Variants in NHSL2 observed in about 807,000 individuals in gnomAD.
The protein encoded by NHSL2 is NHS-like protein 2.
Under a neutral mutation model 53.4 loss-of-function variants are expected in NHSL2, and 27 were observed. That is an observed-to-expected ratio of 0.51 (90% CI 0.37 to 0.70). NHSL2 has a LOEUF of 0.70. NHSL2 is among the 30% of genes least tolerant of loss of function. NHSL2 has a pLI of 0.00. For synonymous variants in NHSL2, 408 were observed against 404.1 expected, an observed-to-expected ratio of 1.01 and a Z score of -0.12; for missense variants, 892 against 980.1, an observed-to-expected ratio of 0.91 and a Z score of 1.20.
intron 1 of NHSL2, chrX:72,080,229 G>A (rs989207449): frequency 1.8e-5 from 2 of 112,099 alleles, no homozygotes; most frequent in Non-Finnish European, 3.8e-5. Context: ...CTGGGATGGA[G>A]AGAACTGACT....
Position 72,027,048 on chromosome X carries a change from C to T in NHSL2, c.281-105031C>T, listed in dbSNP as rs1019913704. Among the ~76,000 whole-genome samples, 12 of 112,298 alleles carry T rather than the reference C, an allele frequency of 1.1e-4. No individual in the cohort carries two copies. The South Asian group carries it at 1.8e-3, about 17-fold the overall frequency. ...GAGAGGAGAAGAGGAAAGTGGTTGGCCTATGGTGCCACAGGGAGTAGCAGA... is the reference window on the plus strand; with the variant it reads ...GAGAGGAGAAGAGGAAAGTGGTTGGTCTATGGTGCCACAGGGAGTAGCAGA... On this transcript the variant is annotated intron_variant, in intron 1 of 7. Transcript: ENST00000633930.
chrX:72,044,096 G>A (rs749512771), intron 1 of NHSL2, among the ~76,000 whole-genome samples: 3 of 112,058 alleles, frequency 2.7e-5, no homozygotes, highest in African/African-American at 9.7e-5. Flanking sequence ...GGTCACGGGA[G>A]AGAAGAGGAT....
intron 1 of NHSL2, among the ~76,000 whole-genome samples, chrX:72,108,666 A>C (rs1477884385): frequency 8.9e-6 from 1 of 112,597 alleles, no homozygotes; most frequent in African/African-American, 3.2e-5. Context: ...ACATTTCTCC[A>C]GTGAGCATCT....
intron 1 of NHSL2, among the ~76,000 whole-genome samples, chrX:72,073,520 GT>G (rs778963211): frequency 1.8e-5 from 2 of 112,309 alleles, no homozygotes; most frequent in African/African-American, 3.2e-5. Context: ...TGGACCAGCT[GT>G]TTGAACTAGC....
intron 1 of NHSL2, chrX:72,069,633 A>T (rs1397322960): frequency 1.2e-6 from 1 of 847,247 alleles, no homozygotes; most frequent in East Asian, 4.3e-5. Flanking sequence ...GAGGAGAAAG[A>T]GGAGGAGGAG....
At chrX:71,920,579 A>AT (rs2041652449) in intron 1 of NHSL2, among the ~76,000 whole-genome samples, 1 of 111,379 alleles carries the variant, frequency 9.0e-6, no homozygotes, top group Non-Finnish European at 1.9e-5. Flanking sequence ...TTCCCATGTG[A>AT]TTCTACCGTG....
intron 1 of NHSL2, among the ~76,000 whole-genome samples, chrX:71,921,048 C>G (rs912536344): frequency 9.1e-6 from 1 of 109,317 alleles, no homozygotes; most frequent in Non-Finnish European, 1.9e-5. Flanking sequence ...CGTGATCCGC[C>G]CACCTTGGCC....
intron 1 of NHSL2, among the ~76,000 whole-genome samples, chrX:72,039,765 C>T (rs1385614251): frequency 9.0e-6 from 1 of 111,724 alleles, no homozygotes; most frequent in East Asian, 2.8e-4. Context: ...GTTAAAAGTC[C>T]TTTAGTCCCT....
intron 1 of NHSL2, among the ~76,000 whole-genome samples, chrX:71,977,413 GTCTC>G (rs1329321803): frequency 2.2e-5 from 2 of 92,553 alleles, no homozygotes; most frequent in South Asian, 5.8e-4. Flanking sequence ...CTTGGTGGCA[GTCTC>G]TCTCTCTCTT....
rs375346126 is a variant in NHSL2, at chrX:72,140,320, G to A, written c.2772G>A (p.Val924=). The change falls in exon 6 of 8, where the codon GTG becomes GTA. Residue 924 remains valine (V), a synonymous_variant. Transcript: ENST00000633930. ...TCCCTCAAGACAGCTACACGGTAGT[G>A]CGGAAACCAAAGCCCTCCAGCTTCC... ...RPLPQDSYTV[V]RKPKPSSFPD... 1.7e-5 allele frequency: 21 copies of A among 1,209,209 alleles called. No homozygotes were observed. The highest frequency in any genetic ancestry group is 2.3e-5 in the Non-Finnish European group (21 of 894,747).
intron 1 of NHSL2, among the ~76,000 whole-genome samples, chrX:71,987,461 T>C (rs746177056): frequency 2.7e-5 from 3 of 111,770 alleles, no homozygotes; most frequent in Non-Finnish European, 5.6e-5. Flanking sequence ...AGGTAGTAGG[T>C]AAATTGAACA....
intron 1 of NHSL2, among the ~76,000 whole-genome samples, chrX:71,938,302 G>A (rs1178099320): frequency 1.8e-5 from 2 of 111,937 alleles, no homozygotes; most frequent in East Asian, 2.8e-4. Context: ...ATTATGCACC[G>A]ATTTTCCAGC....
chrX:72,070,522 G>A (rs2042461719), intron 1 of NHSL2, among the ~76,000 whole-genome samples: 1 of 111,421 alleles, frequency 9.0e-6, no homozygotes, highest in Non-Finnish European at 1.9e-5. Context: ...ACCTTCCCAG[G>A]CGGTGCAAGA....
intron 1 of NHSL2, among the ~76,000 whole-genome samples, chrX:72,063,470 G>A (rs1381473331): frequency 8.9e-6 from 1 of 112,073 alleles, no homozygotes; most frequent in Non-Finnish European, 1.9e-5. Context: ...ACACTTCCAA[G>A]GCCAAGAAGT....
intron 1 of NHSL2, among the ~76,000 whole-genome samples, chrX:71,971,579 T>G (rs1191702017): frequency 8.9e-6 from 1 of 112,156 alleles, no homozygotes; most frequent in Non-Finnish European, 1.9e-5. Context: ...TCCTTTACCC[T>G]ATTGTTGTCA....
intron 7 of NHSL2, among the ~76,000 whole-genome samples, 193 bp downstream of exon 7, chrX:72,142,557 G>A (rs1046649122): frequency 1.8e-5 from 2 of 111,309 alleles, no homozygotes; most frequent in Admixed American, 9.6e-5. Context: ...ATATGTGAGC[G>A]CAGTCCAGGG....
intron 1 of NHSL2, chrX:72,130,953 A>G (rs1399249573): frequency 8.3e-7 from 1 of 1,211,746 alleles, no homozygotes. Flanking sequence ...TGGCTTCGCC[A>G]GTGAAAAAGG....
At chrX:71,963,983 A>ATGTATATATATATGTGTGTG (rs1331116752) in intron 1 of NHSL2, among the ~76,000 whole-genome samples, 1 of 65,377 alleles carries the variant, frequency 1.5e-5, no homozygotes, top group Non-Finnish European at 2.6e-5. Flanking sequence ...ACATATATAT[A>ATGTATATATATATGTGTGTG]TATATATATG....
At chrX:71,912,694 C>T (rs2041610271) in intron 1 of NHSL2, among the ~76,000 whole-genome samples, 1 of 112,211 alleles carries the variant, frequency 8.9e-6, no homozygotes, top group Non-Finnish European at 1.9e-5. Flanking sequence ...GGAATGTAGA[C>T]GTTGGACCAG....
Sources: gnomAD v4.1 joint callset for allele counts (sites outside exome capture counted in the v4.1 genomes callset) on GRCh38, gnomAD v4.1.1 for gene constraint, MANE v1.5 for transcripts, NCBI Gene and HGNC (gene_info 2026-07-23, HGNC 2026-07-21) for gene names.